ADGB: variants seen among roughly 807,000 people sequenced by gnomAD.
The protein encoded by ADGB is androglobin.
ADGB carries 172 observed loss-of-function variants against 210.5 expected under a neutral mutation model. That is an observed-to-expected ratio of 0.82 (90% confidence interval 0.72 to 0.93). ADGB has a LOEUF of 0.93. Ranked by LOEUF, ADGB falls within the 40% of genes least tolerant of loss-of-function variation. ADGB has a pLI of 0.00. For missense variants in ADGB, 2,025 were observed against 1,964.8 expected (o/e 1.03, Z -0.58); for synonymous variants, 658 against 662.7 (o/e 0.99, Z 0.11).
At chr6:146,748,913 A>G (rs1306334983) in intron 26 of ADGB, among the ~76,000 whole-genome samples, 1 of 152,026 alleles carries the variant, frequency 6.6e-6, no homozygotes, top group Non-Finnish European at 1.5e-5. Context: ...GACACCAATC[A>G]TACTGGAGTA....
At chr6:146,653,233 G>A (rs1337543105) in intron 3 of ADGB, among the ~76,000 whole-genome samples, 3 of 151,898 alleles carry the variant, frequency 2.0e-5, no homozygotes, top group Admixed American at 6.6e-5. Flanking sequence ...CAGGGTTCCC[G>A]CTGATGCTAC....
intron 10 of ADGB, among the ~76,000 whole-genome samples, chr6:146,689,556 T>A (rs760293624): frequency 6.6e-6 from 1 of 150,888 alleles, no homozygotes; most frequent in Non-Finnish European, 1.5e-5. Flanking sequence ...CTCTACGGTC[T>A]AAAAAAAAAG....
chr6:146,663,001 TTAA>T (rs1410499039), intron 5 of ADGB, among the ~76,000 whole-genome samples: 2 of 145,786 alleles, frequency 1.4e-5, no homozygotes, highest in African/African-American at 5.0e-5. Flanking sequence ...TATCTTAATC[TTAA>T]TAATATATAT....
At chr6:146,792,533 T>A (rs145288068) in intron 33 of ADGB, among the ~76,000 whole-genome samples, 1 of 152,120 alleles carries the variant, frequency 6.6e-6, no homozygotes, top group Non-Finnish European at 1.5e-5. Context: ...CCAGGGGCAG[T>A]CACAGCACAG....
intron 33 of ADGB, among the ~76,000 whole-genome samples, chr6:146,793,702 C>T (rs953950190): frequency 6.6e-6 from 1 of 152,158 alleles, no homozygotes; most frequent in Non-Finnish European, 1.5e-5. Flanking sequence ...GAAGCCATGT[C>T]ACCCAACTCC....
At chr6:146,728,790 A>G (rs1393766868) in intron 20 of ADGB, 49 bp downstream of exon 20, 4 of 1,430,680 alleles carry the variant, frequency 2.8e-6, no homozygotes, top group Non-Finnish European at 3.7e-6. Context: ...TTTCTTTTCA[A>G]AATGGTATAT....
In ADGB at chr6:146,666,834, G is replaced by T. The variant is rs1340797095; in HGVS notation, c.771G>T (p.Arg257Ser). Residue 257 changes from arginine to serine, a missense_variant, in exon 7 of 36, where the codon AGG (arginine) becomes AGT (serine). By Grantham distance (110) the Arg-to-Ser change is moderately radical. Transcript: ENST00000397944. ...LANIDIHVAD[R>S]RELGEFTVIH... ...TTTTTAGCATCCATGTAGCAGACAG[G>T]AGAGAGCTGGGGGAGTTCACGGTTA... is the stretch of plus-strand genomic sequence containing the variant. 1.3e-6 allele frequency: 2 copies of T among 1,548,172 alleles called. No homozygotes were observed.
At chr6:146,658,666 G>T (rs929275977) in intron 5 of ADGB, among the ~76,000 whole-genome samples, 13 of 152,106 alleles carry the variant, frequency 8.5e-5, no homozygotes, top group Non-Finnish European at 5.9e-5. Context: ...AAGAAAATGT[G>T]ACTTATTTCT....
chr6:146,783,264 T>C (rs1777827269), intron 30 of ADGB, among the ~76,000 whole-genome samples: 1 of 152,078 alleles, frequency 6.6e-6, no homozygotes, highest in Admixed American at 6.5e-5. Context: ...AGGATGTCAG[T>C]ACCATTAAGA....
Position 146,599,070 on chromosome 6 carries a change from G to T in ADGB, c.30G>T (p.Glu10Asp), listed in dbSNP as rs1780513211. 6.4e-7 allele frequency: 1 copy of T among 1,551,594 alleles called. No homozygotes were observed. The highest frequency in any genetic ancestry group is 1.4e-5 in the African/African-American group (1 of 73,062). ...CCTCCAAACAAACCAAAAAGAAAGA[G>T]GTGCATCGTATCAACTCGGCGCACG... MASKQTKKK[E>D]VHRINSAHGS... Residue 10 changes from glutamate (E) to aspartate (D), a missense_variant, in exon 1 of 36, where the codon GAG becomes GAT. By Grantham distance (45) the Glu-to-Asp change is conservative. Coordinates refer to ENST00000397944, the MANE Select transcript of ADGB (RefSeq NM_024694.4).
Position 146,676,450 on chromosome 6 carries a change from C to T in ADGB, c.1216+9C>T, listed in dbSNP as rs747665467. 82 of 1,363,210 alleles carry T rather than the reference C, an allele frequency of 6.0e-5. No homozygotes were observed. Among genetic ancestry groups the T allele is most frequent in the Non-Finnish European group, 7.4e-5 (77 of 1,047,474 alleles). 84.4% of individuals were successfully genotyped at this position (1,363,210 alleles called of 1,614,324 possible). Reference sequence around the variant, plus strand: ...GCAGTCCCTATCAGATTGTAAGCTCCTAATTTCTTAGAATAATAACTATTT... The same window carrying T: ...GCAGTCCCTATCAGATTGTAAGCTCTTAATTTCTTAGAATAATAACTATTT... On this transcript the variant is annotated intron_variant, in intron 9 of 35. Transcript: ENST00000397944.
At chr6:146,613,402 C>T (rs1369795832) in intron 1 of ADGB, among the ~76,000 whole-genome samples, 1 of 152,122 alleles carries the variant, frequency 6.6e-6, no homozygotes, top group Non-Finnish European at 1.5e-5. Flanking sequence ...TATTCTGATT[C>T]CGTGAGGGTA....
At chr6:146,638,659 A>T (rs527672930) in intron 2 of ADGB, among the ~76,000 whole-genome samples, 1 of 150,536 alleles carries the variant, frequency 6.6e-6, no homozygotes, top group African/African-American at 2.4e-5. Flanking sequence ...ATGTTAAATG[A>T]TGAGTTACTG....
intron 35 of ADGB, chr6:146,802,742 C>T (rs111887614): frequency 4.0e-6 from 6 of 1,510,692 alleles, no homozygotes; most frequent in East Asian, 2.3e-5. Flanking sequence ...TTGTAAATTA[C>T]ACAGTTCAGG....
At chr6:146,757,506 A>T (rs1047185271) in intron 27 of ADGB, among the ~76,000 whole-genome samples, 1 of 151,798 alleles carries the variant, frequency 6.6e-6, no homozygotes, top group African/African-American at 2.4e-5. Flanking sequence ...CATTTGTAGA[A>T]AAGTCTTTTG....
At chr6:146,651,669 C>T (rs533972019) in intron 3 of ADGB, among the ~76,000 whole-genome samples, 8 of 152,240 alleles carry the variant, frequency 5.3e-5, no homozygotes, top group East Asian at 1.9e-4. Flanking sequence ...GTAGACTAAT[C>T]GTTCATAACT....
At chr6:146,693,700 A>G (rs140153779) in intron 12 of ADGB, among the ~76,000 whole-genome samples, 2,494 of 152,076 alleles carry the variant, frequency 0.016, 62 homozygotes, top group African/African-American at 0.055. Context: ...GTCCAAATCT[A>G]TTTCTTTTTT....
chr6:146,739,489 A>G (rs1039878137), intron 23 of ADGB, among the ~76,000 whole-genome samples: 1 of 152,150 alleles, frequency 6.6e-6, no homozygotes, highest in Non-Finnish European at 1.5e-5. Context: ...CACCATTTTA[A>G]AAGGCCTTTC....
intron 1 of ADGB, among the ~76,000 whole-genome samples, chr6:146,622,955 A>C (rs1286905524): frequency 6.6e-6 from 1 of 151,978 alleles, no homozygotes; most frequent in East Asian, 1.9e-4. Context: ...TTTGTTGAAA[A>C]TATTAATATT....
Sources: allele counts gnomAD v4.1 joint callset (sites outside exome capture counted in the v4.1 genomes callset), GRCh38; gene constraint gnomAD v4.1.1; transcripts MANE v1.5; gene names NCBI Gene and HGNC (gene_info 2026-07-23, HGNC 2026-07-21).